The following EDC4 variants were observed in gnomAD, a reference collection of about 807,000 sequenced individuals.
EDC4 encodes enhancer of mRNA-decapping protein 4.
In EDC4, 64 loss-of-function variants were observed where a neutral mutation model predicts 155.8. The observed-to-expected ratio is 0.41, with a 90% CI of 0.34 to 0.51. EDC4 has a LOEUF of 0.51. Among genes scored for constraint, EDC4 ranks in the 20% least tolerant of loss-of-function variants. The pLI is 0.19. For synonymous variants in EDC4, 684 were observed against 716.8 expected (o/e 0.95, Z 0.73); for missense variants, 1,303 against 1,812.5 (o/e 0.72, Z 5.10).
At position 67,881,211 on chromosome 16, in the gene EDC4, G is replaced by A. The variant is rs759506842; in HGVS notation, c.2636+31G>A. The A allele has an allele frequency of 6.2e-7, 1 of 1,614,020 alleles. No individual in the cohort carries two copies. Among genetic ancestry groups the A allele is most frequent in the South Asian group, 1.1e-5 (1 of 91,084 alleles). On this transcript the variant is annotated intron_variant, in intron 19 of 28. Transcript: ENST00000358933. This position sits in a 1 kb window ranked among gnomAD's most constrained non-coding sequence, Gnocchi z 5.4. ...AGCCACTCTACACCATTGCCCTCATGGGGGGATGGGCAGCAAGTGGGCAGG... is the reference window on the plus strand; with the variant it reads ...AGCCACTCTACACCATTGCCCTCATAGGGGGATGGGCAGCAAGTGGGCAGG...
At position 67,884,402 on chromosome 16, in the gene EDC4, C is replaced by G. The variant is rs1286505141; in HGVS notation, c.*254C>G. ...GCATGACCCTGAGATCGTGACACCACTTGAGTGGAATTTTCCATGTTCCTT... is the reference window on the plus strand; with the variant it reads ...GCATGACCCTGAGATCGTGACACCAGTTGAGTGGAATTTTCCATGTTCCTT... On this transcript the variant is annotated 3_prime_UTR_variant, in exon 29 of 29. Coordinates refer to ENST00000358933, the MANE Select transcript of EDC4 (RefSeq NM_014329.5). This position sits in a 1 kb window ranked among gnomAD's most constrained non-coding sequence, Gnocchi z 4.1. 6 of 547,552 alleles carry G rather than the reference C, an allele frequency of 1.1e-5. No individual in the cohort carries two copies. The Admixed American group carries it at 1.4e-4, about 13-fold the overall frequency. The allele number at this position is 547,552 out of a possible 1,614,324, so 33.9% of individuals were successfully genotyped here.
intron 1 of EDC4, among the ~76,000 whole-genome samples, chr16:67,874,054 T>A (rs2058032298): frequency 6.6e-6 from 1 of 152,114 alleles, no homozygotes; most frequent in South Asian, 2.1e-4. Context: ...GAAAGGAGTG[T>A]CTCGATACTG....
In EDC4 at chr16:67,884,153, T is replaced by C; in HGVS notation, c.*5T>C. ...GTGACCCCCAGCCTCCCTTAGCTGC[T>C]AAGCCTGCCTTGCCCAGGGGTGGGA... On this transcript the variant is annotated 3_prime_UTR_variant, in exon 29 of 29. Coordinates refer to ENST00000358933, the MANE Select transcript of EDC4 (RefSeq NM_014329.5). This position sits in a 1 kb window ranked among gnomAD's most constrained non-coding sequence, Gnocchi z 4.1. The C allele has an allele frequency of 6.2e-7, 1 of 1,600,810 alleles. No homozygotes were observed. The highest frequency in any genetic ancestry group is 2.2e-5 in the East Asian group (1 of 44,640).
Position 67,881,462 on chromosome 16 carries a change from C to G in EDC4, c.2790-35C>G, listed in dbSNP as rs773064151. On this transcript the variant is annotated intron_variant, in intron 20 of 28. Coordinates refer to ENST00000358933, the MANE Select transcript of EDC4 (RefSeq NM_014329.5). The surrounding 1 kb of genome is among the most constrained non-coding windows in gnomAD (Gnocchi z 5.4). Reference sequence around the variant, plus strand: ...AGGGAGAGGGTGGTCTCTAGGCTGCCTCACATAGCCTGAGGTGCTTCTCGC... The same window carrying G: ...AGGGAGAGGGTGGTCTCTAGGCTGCGTCACATAGCCTGAGGTGCTTCTCGC... 1 of 1,614,188 alleles carries G rather than the reference C, an allele frequency of 6.2e-7. No individual in the cohort carries two copies. Among genetic ancestry groups the G allele is most frequent in the Non-Finnish European group, 8.5e-7 (1 of 1,180,030 alleles).
Position 67,877,885 on chromosome 16 carries a change from T to A in EDC4, c.894+40T>A. On this transcript the variant is annotated intron_variant, in intron 7 of 28. Coordinates refer to ENST00000358933, the MANE Select transcript of EDC4 (RefSeq NM_014329.5). The surrounding 1 kb of genome is among the most constrained non-coding windows in gnomAD (Gnocchi z 4.9). ...GCCTGCCTCCCCTGCCCTCCCCACTTCCTCATATCCATCTTCTGTTCCCTA... is the reference window on the plus strand; with the variant it reads ...GCCTGCCTCCCCTGCCCTCCCCACTACCTCATATCCATCTTCTGTTCCCTA... The A allele has an allele frequency of 6.2e-6, 10 of 1,610,696 alleles. No individual in the cohort carries two copies. Among genetic ancestry groups the A allele is most frequent in the Non-Finnish European group, 8.5e-6 (10 of 1,178,652 alleles).
chr16:67,883,620 A>G lies in EDC4; in HGVS notation c.3902A>G (p.Asp1301Gly), dbSNP rs745914710. 6.2e-7 allele frequency: 1 copy of G among 1,613,988 alleles called. No individual in the cohort carries two copies. ...GTGCTGTATGTGTGTGAAACTGTGG[A>G]CCCAGCCCAGGTTTTTGGGCAGCCA... is the stretch of plus-strand genomic sequence containing the variant. ...NLVLYVCETV[D>G]PAQVFGQPPC... The change falls in exon 28 of 29, where the codon GAC becomes GGC. Residue 1301 changes from aspartate (D) to glycine (G), a missense_variant. By Grantham distance (94) the Asp-to-Gly change is moderately conservative. Transcript: ENST00000358933. This position sits in a 1 kb window ranked among gnomAD's most constrained non-coding sequence, Gnocchi z 5.3.
In EDC4 at chr16:67,879,959, C is replaced by A; in HGVS notation, c.1931C>A (p.Pro644His). 6.2e-7 allele frequency: 1 copy of A among 1,609,148 alleles called. No individual in the cohort carries two copies. Among genetic ancestry groups the A allele is most frequent in the Non-Finnish European group, 8.5e-7 (1 of 1,176,562 alleles). ...SAMSSTSAVD[P>H]SLTRPPEELT... The stretch of plus-strand genomic sequence containing the variant: ...ATGAGCAGCACCTCAGCTGTGGACC[C>A]CTCCTTGACCAGGTGAGGCAAGGGT... Residue 644 changes from proline (P) to histidine (H), a missense_variant, in exon 16 of 29, where the codon CCC becomes CAC. Transcript: ENST00000358933. The surrounding 1 kb of genome is among the most constrained non-coding windows in gnomAD (Gnocchi z 6.0).
Position 67,880,768 on chromosome 16 carries a change from C to A in EDC4, c.2309C>A (p.Ala770Asp), listed in dbSNP as rs1233776554. The change falls in exon 18 of 29, where the codon GCT becomes GAT. Residue 770 changes from alanine (A) to aspartate (D), a missense_variant. Physicochemically the swap from Ala to Asp is moderately radical, Grantham distance 126 (BLOSUM62 -2). Transcript: ENST00000358933. The surrounding 1 kb of genome is among the most constrained non-coding windows in gnomAD (Gnocchi z 5.2). The stretch of plus-strand genomic sequence containing the variant: ...GAGGGCCTTGAGCCAGACAGTATGG[C>A]TTCAGCCGCCTCGGCACTGCACCTG... ...APEGLEPDSM[A>D]SAASALHLLS... 1 of 1,614,142 alleles carries A rather than the reference C, an allele frequency of 6.2e-7. No individual in the cohort carries two copies. Among genetic ancestry groups the A allele is most frequent in the Admixed American group, 1.7e-5 (1 of 60,038 alleles).
At position 67,876,891 on chromosome 16, in the gene EDC4, G is replaced by A. The variant is rs1567389245; in HGVS notation, c.370G>A (p.Ala124Thr). The change falls in exon 4 of 29, where the codon GCC becomes ACC. Residue 124 changes from alanine to threonine, a missense_variant. Physicochemically the swap from Ala to Thr is moderately conservative, Grantham distance 58. This residue lies in a region of EDC4 where 51 missense variants were observed against 121.1 expected (regional missense o/e 0.42). Transcript: ENST00000358933. This position sits in a 1 kb window ranked among gnomAD's most constrained non-coding sequence, Gnocchi z 5.8. ...GSNKVKIQPV[A>T]KYDWEQKYYY... is the part of the protein sequence containing the mutation. ...TTCTCAGGTGAAAATTCAGCCTGTC[G>A]CCAAGTATGACTGGGAACAGAAGTA... 1.2e-6 allele frequency: 2 copies of A among 1,614,150 alleles called. No individual in the cohort carries two copies. The highest frequency in any genetic ancestry group is 1.7e-6 in the Non-Finnish European group (2 of 1,179,994).
rs1598179314 is a variant in EDC4 at position 67,883,220 on chromosome 16, G to T, written c.3849+43G>T. ...CCCTGCTAAGGGTCACGTGTCTCTT[G>T]ACAAGGCCCACATACCATACATTCT... On this transcript the variant is annotated intron_variant, in intron 27 of 28. Transcript: ENST00000358933. The surrounding 1 kb of genome is among the most constrained non-coding windows in gnomAD (Gnocchi z 5.3). 1 of 1,517,172 alleles carries T rather than the reference G, an allele frequency of 6.6e-7. No individual in the cohort carries two copies. The highest frequency in any genetic ancestry group is 8.8e-7 in the Non-Finnish European group (1 of 1,131,538). 94.0% of individuals were successfully genotyped at this position (1,517,172 alleles called of 1,614,324 possible). A position where few individuals can be genotyped will look rare whatever the true frequency, so the allele number is the denominator to read the frequency against.
chr16:67,877,814 AG>A lies in EDC4; in HGVS notation c.866del (p.Gly289AlafsTer5). The A allele has an allele frequency of 6.2e-7, 1 of 1,614,150 alleles. No individual in the cohort carries two copies. Among genetic ancestry groups the A allele is most frequent in the Non-Finnish European group, 8.5e-7 (1 of 1,180,036 alleles). On this transcript the variant is annotated frameshift_variant, in exon 7 of 29. Transcript: ENST00000358933. LOFTEE classifies it high-confidence loss of function. This position sits in a 1 kb window ranked among gnomAD's most constrained non-coding sequence, Gnocchi z 4.9. ...TWPVDVSQIK[Q>X]GFIVVKGHST... ...CCTGTGGATGTTAGCCAGATCAAGCAGGGCTTCATTGTGGTAAAAGGTCATA... is the reference window on the plus strand; with the variant it reads ...CCTGTGGATGTTAGCCAGATCAAGCAGGCTTCATTGTGGTAAAAGGTCATA...
rs550605572 is a variant in EDC4, at chr16:67,877,467, C to T, written c.642-42C>T. 27 of 1,611,844 alleles carry T rather than the reference C, an allele frequency of 1.7e-5. No individual in the cohort carries two copies. In the East Asian group the frequency reaches 2.0e-4, roughly 12 times the overall value. The stretch of plus-strand genomic sequence containing the variant: ...AAGGGTGGGCGGAGCTGGGGTGTCA[C>T]GCCTCTTCATTCATCTATCTAGCCC... On this transcript the variant is annotated intron_variant, in intron 5 of 28. Transcript: ENST00000358933. This position sits in a 1 kb window ranked among gnomAD's most constrained non-coding sequence, Gnocchi z 4.9.
At position 67,884,140 on chromosome 16, in the gene EDC4, C is replaced by A; in HGVS notation, c.4198C>A (p.Leu1400Ile). The A allele has an allele frequency of 6.2e-7, 1 of 1,607,708 alleles. No homozygotes were observed. The highest frequency in any genetic ancestry group is 8.5e-7 in the Non-Finnish European group (1 of 1,176,150). Residue 1400 changes from leucine (L) to isoleucine (I), a missense_variant, in exon 29 of 29, where the codon CTC (leucine) becomes ATC (isoleucine). Around this residue, in one of 5 missense-constraint regions of EDC4, gnomAD observed 527 missense variants for 757.0 expected, o/e 0.70. Transcript: ENST00000358933. The surrounding 1 kb of genome is among the most constrained non-coding windows in gnomAD (Gnocchi z 4.1). ...GCTGCATGGCCTCGTGACCCCCAGC[C>A]TCCCTTAGCTGCTAAGCCTGCCTTG... is the stretch of plus-strand genomic sequence containing the variant. ...LMLHGLVTPS[L>I]P
Position 67,881,219 on chromosome 16 carries a change from G to A in EDC4, c.2636+39G>A. The A allele has an allele frequency of 6.2e-7, 1 of 1,614,048 alleles. No individual in the cohort carries two copies. Among genetic ancestry groups the A allele is most frequent in the South Asian group, 1.1e-5 (1 of 91,076 alleles). ...TACACCATTGCCCTCATGGGGGGAT[G>A]GGCAGCAAGTGGGCAGGGGCTTACT... is the stretch of plus-strand genomic sequence containing the variant. On this transcript the variant is annotated intron_variant, in intron 19 of 28. Transcript: ENST00000358933. This position sits in a 1 kb window ranked among gnomAD's most constrained non-coding sequence, Gnocchi z 5.4.
At position 67,883,903 on chromosome 16, in the gene EDC4, G is replaced by A. The variant is rs116247609; in HGVS notation, c.4014-53G>A. The A allele has an allele frequency of 2.2e-4, 345 of 1,544,366 alleles. 1 individual carries two copies. The African/African-American group carries it at 4.3e-3, about 19-fold the overall frequency. On this transcript the variant is annotated intron_variant, in intron 28 of 28. Transcript: ENST00000358933. The surrounding 1 kb of genome is among the most constrained non-coding windows in gnomAD (Gnocchi z 5.3). ...CTGGGCCTCGGTGCCACCAGGGGGCGCTCCCGTCTGCTGGCACCCACCTGT... is the reference window on the plus strand; with the variant it reads ...CTGGGCCTCGGTGCCACCAGGGGGCACTCCCGTCTGCTGGCACCCACCTGT...
At position 67,882,904 on chromosome 16, in the gene EDC4, G is replaced by A. The variant is rs2058075219; in HGVS notation, c.3629+39G>A. The A allele has an allele frequency of 1.9e-6, 3 of 1,613,976 alleles. No homozygotes were observed. Among genetic ancestry groups the A allele is most frequent in the Non-Finnish European group, 2.5e-6 (3 of 1,179,966 alleles). Reference sequence around the variant, plus strand: ...GTACTGGGCAAGGTGGTGGGCTTGAGAAAGGCCAGACTAGGCTCCCTGTCC... The same window carrying A: ...GTACTGGGCAAGGTGGTGGGCTTGAAAAAGGCCAGACTAGGCTCCCTGTCC... On this transcript the variant is annotated intron_variant, in intron 26 of 28. Coordinates refer to ENST00000358933, the MANE Select transcript of EDC4 (RefSeq NM_014329.5). This position sits in a 1 kb window ranked among gnomAD's most constrained non-coding sequence, Gnocchi z 7.2.
intron 1 of EDC4, 110 bp downstream of exon 1, chr16:67,873,453 C>T (rs1247390064): frequency 9.9e-6 from 9 of 911,150 alleles, no homozygotes; most frequent in South Asian, 2.2e-5. Context: ...TGGATCCTCC[C>T]GGCGGGTAAG....
rs754909081 is a variant in EDC4 at position 67,882,820 on chromosome 16, G to A, written c.3584G>A (p.Ser1195Asn). The A allele has an allele frequency of 1.2e-6, 2 of 1,614,036 alleles. No homozygotes were observed. Among genetic ancestry groups the A allele is most frequent in the African/African-American group, 2.7e-5 (2 of 74,952 alleles). ...TEQMAATVAGSVRAEVQHQLH... is the reference protein window; with the variant it reads ...TEQMAATVAGNVRAEVQHQLH... ...CAGATGGCAGCCACCGTGGCCGGCA[G>A]TGTTCGTGCTGAGGTGCAGCACCAG... Residue 1195 changes from serine (S) to asparagine (N), a missense_variant, in exon 26 of 29, where the codon AGT (serine) becomes AAT (asparagine). By Grantham distance (46) the Ser-to-Asn change is conservative (BLOSUM62 1). Transcript: ENST00000358933. This position sits in a 1 kb window ranked among gnomAD's most constrained non-coding sequence, Gnocchi z 7.2.
In EDC4 at chr16:67,878,105, C is replaced by T. The variant is rs1232518325; in HGVS notation, c.895-61C>T. On this transcript the variant is annotated intron_variant, in intron 7 of 28. Transcript: ENST00000358933. The surrounding 1 kb of genome is among the most constrained non-coding windows in gnomAD (Gnocchi z 5.2). The stretch of plus-strand genomic sequence containing the variant: ...GTGAGTCAGCCCAGCTCATTGCCAT[C>T]CTCACTTGGGAGGGGCTTGTTCTCA... 6.2e-7 allele frequency: 1 copy of T among 1,605,670 alleles called. No individual in the cohort carries two copies. The highest frequency in any genetic ancestry group is 1.7e-5 in the Admixed American group (1 of 58,948).
Sources: allele counts gnomAD v4.1 joint callset (sites outside exome capture counted in the v4.1 genomes callset), GRCh38; gene constraint gnomAD v4.1.1; regional missense constraint gnomAD v4.1.1; non-coding constraint Gnocchi (gnomAD v3.1); transcripts MANE v1.5; gene names NCBI Gene and HGNC (gene_info 2026-07-23, HGNC 2026-07-21).